The following OLFM3 variants were observed in gnomAD, a reference collection of about 807,000 sequenced individuals.
OLFM3 encodes the protein olfactomedin 3.
A neutral mutation model predicts 48.6 loss-of-function variants in OLFM3; 20 were observed. That is an observed-to-expected ratio of 0.41 (90% CI 0.29 to 0.60). The LOEUF (loss-of-function observed/expected upper bound fraction) is 0.60. Ranked by LOEUF, OLFM3 falls within the 20% of genes least tolerant of loss-of-function variation. OLFM3 has a pLI of 0.28. For synonymous variants in OLFM3, 222 were observed against 198.1 expected (o/e 1.12, Z -1.01); for missense variants, 437 against 544.3 (o/e 0.80, Z 1.96).
At chr1:101,927,421 A>C (rs576826799) in intron 1 of OLFM3, among the ~76,000 whole-genome samples, 22 of 152,148 alleles carry the variant, frequency 1.4e-4, no homozygotes, top group African/African-American at 5.3e-4. Flanking sequence ...ATTTTCTTTA[A>C]GAAGCCTTGT....
intron 4 of OLFM3, among the ~76,000 whole-genome samples, chr1:101,821,883 T>C (rs1213998405): frequency 1.3e-5 from 2 of 152,110 alleles, no homozygotes; most frequent in African/African-American, 4.8e-5. Context: ...TTAGATTAGC[T>C]AAAATAAAAA....
chr1:101,836,475 T>G (rs1655414523), intron 2 of OLFM3, among the ~76,000 whole-genome samples: 1 of 152,340 alleles, frequency 6.6e-6, no homozygotes, highest in African/African-American at 2.4e-5. Flanking sequence ...ATAGCTTGCA[T>G]ATCACATGCA....
intron 1 of OLFM3, among the ~76,000 whole-genome samples, chr1:101,908,694 G>T (rs995340903): frequency 6.6e-6 from 1 of 152,096 alleles, no homozygotes; most frequent in Non-Finnish European, 1.5e-5. Flanking sequence ...AATGATCCTG[G>T]ATTATCCAGA....
intron 1 of OLFM3, among the ~76,000 whole-genome samples, chr1:101,872,853 G>A (rs892193968): frequency 2.0e-5 from 3 of 151,726 alleles, no homozygotes; most frequent in African/African-American, 7.3e-5. Flanking sequence ...AGATTGTCTA[G>A]CACTCTATAT....
intron 1 of OLFM3, among the ~76,000 whole-genome samples, chr1:101,954,529 T>C (rs978897369): frequency 6.6e-6 from 1 of 152,104 alleles, no homozygotes; most frequent in Non-Finnish European, 1.5e-5. Flanking sequence ...TTTTAGCTTT[T>C]GATAATTTCA....
At chr1:101,970,593 TG>T (rs907771468) in intron 1 of OLFM3, among the ~76,000 whole-genome samples, 2 of 152,236 alleles carry the variant, frequency 1.3e-5, no homozygotes, top group African/African-American at 4.8e-5. Context: ...TGCCAGGCTC[TG>T]GGGATACAGA....
At chr1:101,895,261 T>C (rs1003389910) in intron 1 of OLFM3, among the ~76,000 whole-genome samples, 1 of 152,106 alleles carries the variant, frequency 6.6e-6, no homozygotes, top group East Asian at 1.9e-4. Flanking sequence ...ATTGTCTTTT[T>C]TCTGTTCCAC....
At chr1:101,854,819 C>T (rs1656353540) in intron 1 of OLFM3, among the ~76,000 whole-genome samples, 1 of 151,966 alleles carries the variant, frequency 6.6e-6, no homozygotes, top group Non-Finnish European at 1.5e-5. Context: ...GCCATGTGAC[C>T]TCCCAGAGCT....
intron 4 of OLFM3, chr1:101,812,678 C>T: frequency 2.0e-6 from 2 of 985,716 alleles, no homozygotes; most frequent in Non-Finnish European, 2.4e-6. Flanking sequence ...ATCTCTATGG[C>T]AAAGGGATAC....
chr1:101,988,030 A>C (rs1661297550), intron 1 of OLFM3, among the ~76,000 whole-genome samples: 1 of 152,038 alleles, frequency 6.6e-6, no homozygotes, highest in East Asian at 1.9e-4. Flanking sequence ...TCTTGGAATA[A>C]TGTAGTAGAA....
chr1:101,874,860 T>C (rs1417805902), intron 1 of OLFM3, among the ~76,000 whole-genome samples: 1 of 151,964 alleles, frequency 6.6e-6, no homozygotes, highest in Non-Finnish European at 1.5e-5. Context: ...GGCTAGGTAG[T>C]TTCCAACTGG....
chr1:101,906,648 T>C (rs1030041977), intron 1 of OLFM3, among the ~76,000 whole-genome samples: 2 of 152,144 alleles, frequency 1.3e-5, no homozygotes, highest in Non-Finnish European at 2.9e-5. Context: ...TGCCCACAAA[T>C]GTAGAGCAAG....
intron 1 of OLFM3, among the ~76,000 whole-genome samples, chr1:101,969,275 A>C (rs1022560792): frequency 2.0e-5 from 3 of 151,084 alleles, no homozygotes; most frequent in African/African-American, 7.3e-5. Context: ...TTAGCCCCTG[A>C]GTAGCTGGGG....
intron 2 of OLFM3, among the ~76,000 whole-genome samples, chr1:101,832,260 A>G (rs1655195730): frequency 6.6e-6 from 1 of 152,250 alleles, no homozygotes. Flanking sequence ...TTTTCATTGA[A>G]AACATGTGAT....
At chr1:101,892,477 T>A (rs1191982823) in intron 1 of OLFM3, among the ~76,000 whole-genome samples, 1 of 152,182 alleles carries the variant, frequency 6.6e-6, no homozygotes, top group African/African-American at 2.4e-5. Context: ...TTTACAAAAA[T>A]TAAATCTTAG....
Position 101,831,027 on chromosome 1 carries a change from A to G in OLFM3, c.217-200T>C, listed in dbSNP as rs200780691. Among the ~76,000 whole-genome samples, 14 of 152,390 alleles carry G rather than the reference A, an allele frequency of 9.2e-5. No individual in the cohort carries two copies. In the East Asian group the frequency reaches 2.7e-3, roughly 29 times the overall value. Reference sequence around the variant, plus strand: ...CAGCAAGAGAAAATTATACCTAGACAGGAAATTTAAAAACGGGCATTCTAG... The same window carrying G: ...CAGCAAGAGAAAATTATACCTAGACGGGAAATTTAAAAACGGGCATTCTAG... On this transcript the variant is annotated intron_variant, in intron 2 of 5. Coordinates refer to ENST00000370103, the MANE Select transcript of OLFM3 (RefSeq NM_058170.4).
chr1:101,834,762 G>A (rs1462585982), intron 2 of OLFM3, among the ~76,000 whole-genome samples: 1 of 152,074 alleles, frequency 6.6e-6, no homozygotes, highest in Non-Finnish European at 1.5e-5. Flanking sequence ...ATTTTTAAAG[G>A]TATTATGTTC....
chr1:101,894,879 T>A (rs1486513486), intron 1 of OLFM3, among the ~76,000 whole-genome samples: 1 of 152,114 alleles, frequency 6.6e-6, no homozygotes, highest in Non-Finnish European at 1.5e-5. Flanking sequence ...TTTGGAAATA[T>A]TTTCCCTACA....
chr1:101,845,424 A>G (rs1000573166), intron 1 of OLFM3, among the ~76,000 whole-genome samples: 3 of 152,196 alleles, frequency 2.0e-5, no homozygotes, highest in African/African-American at 7.2e-5. Flanking sequence ...ATACACAAAA[A>G]ATATACATGT....
Sources: allele counts gnomAD v4.1 joint callset (sites outside exome capture counted in the v4.1 genomes callset), GRCh38; gene constraint gnomAD v4.1.1; transcripts MANE v1.5; gene names NCBI Gene and HGNC (gene_info 2026-07-23, HGNC 2026-07-21).